ZNF704: variants seen among roughly 807,000 people sequenced by gnomAD.
The protein encoded by ZNF704 is glucocorticoid induced gene 1.
Under a neutral mutation model 44.7 loss-of-function variants are expected in ZNF704, and 10 were observed. The observed-to-expected ratio is 0.22, with a 90% confidence interval of 0.14 to 0.38. The LOEUF (loss-of-function observed/expected upper bound fraction) is 0.38. Ranked by LOEUF, ZNF704 falls within the 10% of genes least tolerant of loss-of-function variation. The pLI is 1.00. For missense variants in ZNF704, 390 were observed against 545.5 expected (o/e 0.71, Z 2.84); for synonymous variants, 211 against 207.6 (o/e 1.02, Z -0.14).
chr8:80,747,740 C>G (rs1008285678), intron 2 of ZNF704, among the ~76,000 whole-genome samples: 6 of 152,078 alleles, frequency 3.9e-5, no homozygotes, highest in Non-Finnish European at 8.8e-5. Flanking sequence ...TTTTTTGAGA[C>G]GGAGTCTCGC....
At chr8:80,767,400 T>C (rs899737288) in intron 2 of ZNF704, among the ~76,000 whole-genome samples, 2 of 152,040 alleles carry the variant, frequency 1.3e-5, no homozygotes, top group Non-Finnish European at 2.9e-5. Flanking sequence ...TTCCCTCCTC[T>C]ACACTCTGGT....
At chr8:80,861,991 CTTTTTTTTTTTTTT>C (rs71266093) in intron 1 of ZNF704, among the ~76,000 whole-genome samples, 7 of 92,996 alleles carry the variant, frequency 7.5e-5, no homozygotes, top group African/African-American at 3.2e-4. Context: ...AAAAAATAAC[CTTTTTTTTTTTTTT>C]TTTTTTTTTT....
At chr8:80,876,977 T>C (rs1809363767), upstream of ZNF704, among the ~76,000 whole-genome samples, 1 of 149,404 alleles carries the variant, frequency 6.7e-6, no homozygotes, top group Non-Finnish European at 1.5e-5. Flanking sequence ...AGTAAATGTT[T>C]TCCTGAGAAC....
chr8:80,745,181 T>C (rs1469401750), intron 2 of ZNF704, among the ~76,000 whole-genome samples: 2 of 152,214 alleles, frequency 1.3e-5, no homozygotes, highest in African/African-American at 2.4e-5. Flanking sequence ...ATATTTGATA[T>C]AAACATTTCA....
At chr8:80,859,971 T>G (rs1809031293) in intron 1 of ZNF704, among the ~76,000 whole-genome samples, 1 of 152,178 alleles carries the variant, frequency 6.6e-6, no homozygotes, top group South Asian at 2.1e-4. Context: ...CATCCTTCAC[T>G]GGATGAGGCT....
At chr8:80,803,953 T>C (rs1807943983) in intron 2 of ZNF704, among the ~76,000 whole-genome samples, 1 of 151,874 alleles carries the variant, frequency 6.6e-6, no homozygotes, top group South Asian at 2.1e-4. Flanking sequence ...AGGTCTAATA[T>C]CCAGTTTACA....
intron 1 of ZNF704, among the ~76,000 whole-genome samples, chr8:80,828,553 G>T (rs1398022554): frequency 6.6e-6 from 1 of 152,118 alleles, no homozygotes; most frequent in Non-Finnish European, 1.5e-5. Context: ...CTCCAGTGGG[G>T]TCATCTGTGA....
chr8:80,802,227 C>T (rs769521179), intron 2 of ZNF704, among the ~76,000 whole-genome samples: 105 of 146,130 alleles, frequency 7.2e-4, no homozygotes, highest in Non-Finnish European at 1.2e-3. Flanking sequence ...CAGGACCAGA[C>T]GGTTTCACAG....
intron 2 of ZNF704, among the ~76,000 whole-genome samples, chr8:80,805,874 C>T (rs1807981555): frequency 6.6e-6 from 1 of 152,164 alleles, no homozygotes; most frequent in African/African-American, 2.4e-5. Context: ...AGCAATGCAC[C>T]ACACTGGTTG....
At position 80,801,491 on chromosome 8, in the gene ZNF704, A is replaced by G. The variant is rs554908533; in HGVS notation, c.221+19883T>C. 2.0e-4 allele frequency among the ~76,000 whole-genome samples: 31 copies of G among 152,352 alleles called. 1 individual carries two copies. The East Asian group carries it at 5.6e-3, about 27-fold the overall frequency. ...TCTCAGACCACAGCACAATCAAATT[A>G]GAACTCAAGATTAAGAAACTCACTC... On this transcript the variant is annotated intron_variant, in intron 2 of 8. Coordinates refer to ENST00000327835, the MANE Select transcript of ZNF704 (RefSeq NM_001033723.3).
intron 2 of ZNF704, among the ~76,000 whole-genome samples, chr8:80,724,945 T>C (rs1791742848): frequency 6.6e-6 from 1 of 152,218 alleles, no homozygotes; most frequent in Non-Finnish European, 1.5e-5. Context: ...GGCTCTCCAC[T>C]GTTTATCATT....
chr8:80,724,444 T>C (rs968234137), intron 2 of ZNF704, among the ~76,000 whole-genome samples: 13 of 152,216 alleles, frequency 8.5e-5, no homozygotes, highest in African/African-American at 3.1e-4. Context: ...TTATGACAAA[T>C]ATATATCTGC....
chr8:80,695,128 C>T (rs1302467018), intron 2 of ZNF704, among the ~76,000 whole-genome samples: 1 of 152,236 alleles, frequency 6.6e-6, no homozygotes, highest in African/African-American at 2.4e-5. Flanking sequence ...CTTGAAATGG[C>T]ACCAGGGAAA....
At chr8:80,867,580 C>T (rs952752170) in intron 1 of ZNF704, among the ~76,000 whole-genome samples, 9 of 152,138 alleles carry the variant, frequency 5.9e-5, no homozygotes, top group Admixed American at 5.2e-4. Context: ...ATCTGTTTGC[C>T]TTCCAACTCC....
chr8:80,751,745 T>C (rs1806947681), intron 2 of ZNF704, among the ~76,000 whole-genome samples: 1 of 152,104 alleles, frequency 6.6e-6, no homozygotes, highest in Non-Finnish European at 1.5e-5. Flanking sequence ...GCCAGGATTC[T>C]TTTTTGTTTG....
intron 2 of ZNF704, among the ~76,000 whole-genome samples, chr8:80,726,866 C>T (rs993659752): frequency 5.9e-5 from 9 of 151,944 alleles, no homozygotes; most frequent in African/African-American, 2.2e-4. Context: ...CAGACACACA[C>T]AGTTTCCTAT....
intron 1 of ZNF704, among the ~76,000 whole-genome samples, chr8:80,843,151 A>G (rs950419819): frequency 2.0e-5 from 3 of 152,236 alleles, no homozygotes; most frequent in Admixed American, 6.5e-5. Flanking sequence ...AATGCAAGAA[A>G]TTTATTATTC....
chr8:80,661,586 A>AC (rs1818102808), intron 6 of ZNF704, among the ~76,000 whole-genome samples: 1 of 152,198 alleles, frequency 6.6e-6, no homozygotes, highest in Admixed American at 6.5e-5. Context: ...TGTGGTAAGA[A>AC]CACAATGGAG....
Position 80,649,145 on chromosome 8 carries a change from T to C in ZNF704, c.1033-6016A>G, listed in dbSNP as rs912542273. On this transcript the variant is annotated intron_variant, in intron 7 of 8. Transcript: ENST00000327835. ...AAATTATTGGGCTATATGTACATAG[T>C]TTGTTGGTTAGGTGTGACCTCAGAA... Among the ~76,000 whole-genome samples the C allele has an allele frequency of 2.8e-4, 43 of 152,100 alleles. 1 individual carries two copies. Among genetic ancestry groups the C allele is most frequent in the Non-Finnish European group, 5.6e-4 (38 of 68,002 alleles).
Sources: gnomAD v4.1 joint callset for allele counts (sites outside exome capture counted in the v4.1 genomes callset) on GRCh38, gnomAD v4.1.1 for gene constraint, MANE v1.5 for transcripts, NCBI Gene and HGNC (gene_info 2026-07-23, HGNC 2026-07-21) for gene names.